Variants in ATP8A2 observed in about 807,000 individuals in gnomAD.
ATP8A2 encodes phospholipid-transporting ATPase IB.
A neutral mutation model predicts 165.6 loss-of-function variants in ATP8A2; 100 were observed. The ratio of observed to expected loss-of-function variants is 0.60; its 90% CI spans 0.51 to 0.71. The LOEUF (loss-of-function observed/expected upper bound fraction) is 0.71, where lower values mean the gene tolerates loss of function less well. ATP8A2 is among the 30% of genes least tolerant of loss of function. ATP8A2 has a pLI of 0.00. For synonymous variants in ATP8A2, 543 were observed against 548.8 expected, an observed-to-expected ratio of 0.99 and a Z score of 0.15; for missense variants, 1,227 against 1,479.5, an observed-to-expected ratio of 0.83 and a Z score of 2.80.
chr13:25,870,168 C>T (rs993295348), intron 33 of ATP8A2, among the ~76,000 whole-genome samples: 8 of 152,184 alleles, frequency 5.3e-5, no homozygotes, highest in Admixed American at 1.3e-4. Context: ...GGCCTGACGG[C>T]GCGCGGGTGC....
chr13:26,021,394 C>T lies in ATP8A2; in HGVS notation c.*1409C>T, dbSNP rs1427925939. 6.6e-6 allele frequency: 1 copy of T among 152,242 alleles called. No homozygotes were observed. Among genetic ancestry groups the T allele is most frequent in the Non-Finnish European group, 1.5e-5 (1 of 68,064 alleles). 9.4% of individuals were successfully genotyped at this position (152,242 alleles called of 1,614,324 possible). A position where few individuals can be genotyped will look rare whatever the true frequency, so the allele number is the denominator to read the frequency against. ...GAATTCCAAACATTTCAGGGAAACA[C>T]CTTTTTAAAAAATATACTGACATGG... On this transcript the variant is annotated 3_prime_UTR_variant, in exon 37 of 37. Transcript: ENST00000381655.
intron 24 of ATP8A2, among the ~76,000 whole-genome samples, chr13:25,619,689 A>C (rs2040920063): frequency 6.6e-6 from 1 of 152,234 alleles, no homozygotes; most frequent in Non-Finnish European, 1.5e-5. Flanking sequence ...ATATTAGTTA[A>C]TACTCTAAGA....
At chr13:25,816,723 T>C (rs1296776133) in intron 27 of ATP8A2, among the ~76,000 whole-genome samples, 9 of 152,134 alleles carry the variant, frequency 5.9e-5, no homozygotes, top group African/African-American at 2.2e-4. Flanking sequence ...AATATATATA[T>C]GTGATTCTTT....
intron 2 of ATP8A2, among the ~76,000 whole-genome samples, chr13:25,518,971 A>G (rs980506798): frequency 7.9e-5 from 12 of 152,188 alleles, no homozygotes; most frequent in African/African-American, 2.2e-4. Context: ...CCCAAAAGGA[A>G]AAAGGCCAGT....
At chr13:25,588,118 C>G (rs147941341) in intron 23 of ATP8A2, among the ~76,000 whole-genome samples, 2,466 of 152,212 alleles carry the variant, frequency 0.016, 37 homozygotes, top group Non-Finnish European at 0.026. Context: ...ACAGCCTTGC[C>G]TATGTCTTTT....
chr13:25,533,108 G>C (rs1053117808), intron 5 of ATP8A2, among the ~76,000 whole-genome samples, 165 bp from the exon 6 acceptor site: 1 of 151,950 alleles, frequency 6.6e-6, no homozygotes, highest in Non-Finnish European at 1.5e-5. Context: ...ACCATACGTT[G>C]GTGTTCCATT....
intron 33 of ATP8A2, among the ~76,000 whole-genome samples, chr13:25,899,558 C>T (rs781264118): frequency 5.9e-5 from 9 of 152,140 alleles, no homozygotes; most frequent in African/African-American, 9.7e-5. Flanking sequence ...GCCACTATCT[C>T]GACTGAGATT....
chr13:25,700,700 G>T (rs572737358), intron 25 of ATP8A2, among the ~76,000 whole-genome samples: 11 of 152,084 alleles, frequency 7.2e-5, no homozygotes, highest in Non-Finnish European at 1.5e-4. Flanking sequence ...GTAGGTTTTC[G>T]ACTCCTCTGG....
At chr13:25,770,994 C>T (rs1023826711) in intron 26 of ATP8A2, among the ~76,000 whole-genome samples, 1 of 152,176 alleles carries the variant, frequency 6.6e-6, no homozygotes, top group Non-Finnish European at 1.5e-5. Flanking sequence ...CTCTCCAAAG[C>T]GGGGGCTCTG....
chr13:25,520,509 T>C (rs114649357), intron 2 of ATP8A2, among the ~76,000 whole-genome samples: 1,705 of 152,260 alleles, frequency 0.011, 32 homozygotes, highest in African/African-American at 0.038. Flanking sequence ...CAGACAGATA[T>C]CTCTTTGACA....
intron 2 of ATP8A2, among the ~76,000 whole-genome samples, chr13:25,512,981 CG>C (rs1268946216): frequency 7.2e-6 from 1 of 137,992 alleles, no homozygotes; most frequent in Admixed American, 7.1e-5. Context: ...ACCTCCCTCC[CG>C]GACGGGGTGG....
chr13:25,559,763 C>T lies in ATP8A2; in HGVS notation c.1395C>T (p.Phe465=), dbSNP rs1459980407. 1.9e-6 allele frequency: 3 copies of T among 1,610,664 alleles called. No homozygotes were observed. Among genetic ancestry groups the T allele is most frequent in the Middle Eastern group, 1.7e-4 (1 of 6,058 alleles). ...CAAGAGAGCCGTCTTCAGATGACTT[C>T]TGGTAAGTAGATTCTAGCACTTCTT... ...ELAREPSSDD[F]CRMPPPCSDS... Residue 465 remains phenylalanine, a splice_region_variant and synonymous_variant, in exon 15 of 37, where the codon TTC becomes TTT. Transcript: ENST00000381655.
intron 33 of ATP8A2, among the ~76,000 whole-genome samples, chr13:25,896,031 C>T (rs940969806): frequency 1.1e-4 from 17 of 152,106 alleles, no homozygotes; most frequent in South Asian, 2.1e-4. Context: ...GTCTCTATTT[C>T]CTTCAGTTCT....
rs889952206 is a variant in ATP8A2 at position 25,867,972 on chromosome 13, A to G, written c.3183+5564A>G. On this transcript the variant is annotated intron_variant, in intron 33 of 36. Transcript: ENST00000381655. ...CAAGTAAAGGACTCCAAAAGTCTCTATGCAATTGTTGAGACACTGTATGAA... is the reference window on the plus strand; with the variant it reads ...CAAGTAAAGGACTCCAAAAGTCTCTGTGCAATTGTTGAGACACTGTATGAA... The G allele has an allele frequency of 4.5e-5, 12 of 269,364 alleles. No homozygotes were observed. In the Middle Eastern group the frequency reaches 1.7e-3, roughly 38 times the overall value. 16.7% of individuals were successfully genotyped at this position (269,364 alleles called of 1,614,324 possible).
At chr13:26,000,274 G>T (rs1956607021) in intron 35 of ATP8A2, among the ~76,000 whole-genome samples, 1 of 152,082 alleles carries the variant, frequency 6.6e-6, no homozygotes. Context: ...CTTGTTTTTG[G>T]CTTTGTTGTA....
intron 25 of ATP8A2, among the ~76,000 whole-genome samples, chr13:25,758,595 C>G (rs2044313482): frequency 1.3e-5 from 2 of 152,206 alleles, no homozygotes; most frequent in Admixed American, 1.3e-4. Context: ...TACACAATGT[C>G]TTGGGGCTCA....
In ATP8A2 at chr13:25,528,751, GCATACATATGCAACA is replaced by G. The variant is rs1160516796; in HGVS notation, c.222-1247_222-1233del. ...ATGCATACATATGCAACTTGTGTAT[GCATACATATGCAACA>G]TGTGTATGCACACATATGCAACATG... On this transcript the variant is annotated intron_variant, in intron 2 of 36. Coordinates refer to ENST00000381655, the MANE Select transcript of ATP8A2 (RefSeq NM_016529.6). 2.7e-5 allele frequency among the ~76,000 whole-genome samples: 4 copies of G among 150,920 alleles called. No individual in the cohort carries two copies. The South Asian group carries it at 8.5e-4, about 32-fold the overall frequency.
At chr13:25,609,536 G>GATTCAAATATATATATATATATTTGA (rs1565976831) in intron 24 of ATP8A2, among the ~76,000 whole-genome samples, 3 of 114,214 alleles carry the variant, frequency 2.6e-5, no homozygotes, top group South Asian at 2.5e-4. Context: ...ATATATTTGG[G>GATTCAAATATATATATATATATTTGA]ATTCAAATAT....
intron 1 of ATP8A2, among the ~76,000 whole-genome samples, chr13:25,437,728 T>C (rs576640683): frequency 1.2e-4 from 19 of 152,212 alleles, no homozygotes; most frequent in Non-Finnish European, 2.1e-4. Context: ...CAAATGGATT[T>C]TAAAGAAAAT....
Sources: allele counts gnomAD v4.1 joint callset (sites outside exome capture counted in the v4.1 genomes callset), GRCh38; gene constraint gnomAD v4.1.1; transcripts MANE v1.5; gene names NCBI Gene and HGNC (gene_info 2026-07-23, HGNC 2026-07-21).